SLC39A11: variants seen among roughly 807,000 people sequenced by gnomAD.
SLC39A11 encodes zinc transporter ZIP11.
Under a neutral mutation model 36.1 loss-of-function variants are expected in SLC39A11, and 33 were observed. The observed-to-expected ratio is 0.91, with a 90% CI of 0.69 to 1.22. SLC39A11 has a LOEUF of 1.22. Ranked by LOEUF, SLC39A11 falls within the 50% of genes most tolerant of loss-of-function variation. SLC39A11 has a pLI of 0.00. For missense variants in SLC39A11, 432 were observed against 430.3 expected, an observed-to-expected ratio of 1.00 and a Z score of -0.03; for synonymous variants, 166 against 170.3, an observed-to-expected ratio of 0.97 and a Z score of 0.20.
At chr17:72,857,098 C>T (rs1257346422) in intron 5 of SLC39A11, among the ~76,000 whole-genome samples, 1 of 152,104 alleles carries the variant, frequency 6.6e-6, no homozygotes, top group Admixed American at 6.6e-5. Context: ...AAGCCTAGTA[C>T]CCAATAGTTA....
chr17:73,035,162 G>A (rs1389824178), intron 3 of SLC39A11, among the ~76,000 whole-genome samples: 1 of 152,010 alleles, frequency 6.6e-6, no homozygotes. Flanking sequence ...TTTTTGTTTC[G>A]AGACAGAGTC....
rs568065634 is a variant in SLC39A11, at chr17:72,806,622, G to A, written c.601+43012C>T. Among the ~76,000 whole-genome samples, 9 of 151,950 alleles carry A rather than the reference G, an allele frequency of 5.9e-5. No homozygotes were observed. The East Asian group carries it at 1.4e-3, about 23-fold the overall frequency. ...TTTTGAGACTGAGTCCCTCTTTGTC[G>A]CCCAGACTGGAGTAGAGTGGTGCGA... is the stretch of plus-strand genomic sequence containing the variant. On this transcript the variant is annotated intron_variant, in intron 6 of 9. Transcript: ENST00000255559.
At chr17:72,823,827 C>T (rs1483062906) in intron 6 of SLC39A11, 1 of 151,364 alleles carries the variant, frequency 6.6e-6, no homozygotes, top group Non-Finnish European at 1.5e-5. Flanking sequence ...GGACTGGCCA[C>T]AGAATTTTCT....
intron 7 of SLC39A11, among the ~76,000 whole-genome samples, chr17:72,703,379 C>T (rs1165470995): frequency 2.0e-5 from 3 of 152,064 alleles, no homozygotes; most frequent in South Asian, 4.1e-4. Context: ...TTAATTATAG[C>T]AGTTCCGTGT....
At chr17:72,867,043 A>G (rs1047709353) in intron 5 of SLC39A11, among the ~76,000 whole-genome samples, 3 of 152,220 alleles carry the variant, frequency 2.0e-5, no homozygotes, top group African/African-American at 7.2e-5. Context: ...AACAATAACA[A>G]TACTAGCAAC....
At chr17:73,025,361 T>C (rs1306814700) in intron 4 of SLC39A11, among the ~76,000 whole-genome samples, 2 of 152,198 alleles carry the variant, frequency 1.3e-5, no homozygotes, top group African/African-American at 4.8e-5. Context: ...TCTGCCAAGA[T>C]GCAAACCAAG....
chr17:73,026,956 C>CA (rs1211901020), intron 4 of SLC39A11, among the ~76,000 whole-genome samples: 7 of 150,506 alleles, frequency 4.7e-5, no homozygotes, highest in African/African-American at 1.5e-4. Context: ...CTGTCTCTAC[C>CA]AAAAAAAAAT....
At chr17:72,663,791 C>T (rs2070594313) in intron 7 of SLC39A11, 2 of 152,212 alleles carry the variant, frequency 1.3e-5, no homozygotes, top group Admixed American at 6.5e-5. Context: ...CGGAGGGCTT[C>T]AGCCTCTCCA....
intron 7 of SLC39A11, among the ~76,000 whole-genome samples, chr17:72,679,434 T>C (rs573232124): frequency 3.3e-5 from 5 of 152,346 alleles, no homozygotes; most frequent in African/African-American, 1.2e-4. Flanking sequence ...CTTGAATCCC[T>C]GTCCTCTGGC....
intron 4 of SLC39A11, among the ~76,000 whole-genome samples, chr17:73,013,518 G>T (rs147900015): frequency 6.6e-6 from 1 of 152,226 alleles, no homozygotes; most frequent in Non-Finnish European, 1.5e-5. Context: ...GGATTCCACA[G>T]TTCATAAATG....
chr17:73,011,472 TG>T (rs887667482), intron 4 of SLC39A11, among the ~76,000 whole-genome samples: 3 of 151,936 alleles, frequency 2.0e-5, no homozygotes, highest in Admixed American at 2.0e-4. Context: ...TGGGATACTC[TG>T]GGGGCCTGTG....
intron 6 of SLC39A11, among the ~76,000 whole-genome samples, chr17:72,785,757 G>A (rs991917388): frequency 6.6e-6 from 1 of 152,168 alleles, no homozygotes; most frequent in Non-Finnish European, 1.5e-5. Flanking sequence ...TATTCCATGT[G>A]TTTTTCTCAT....
intron 6 of SLC39A11, among the ~76,000 whole-genome samples, chr17:72,786,576 T>C (rs536787559): frequency 3.9e-5 from 6 of 152,132 alleles, no homozygotes; most frequent in Non-Finnish European, 7.3e-5. Flanking sequence ...GGCTGATGGA[T>C]CCCGGGGTGT....
intron 7 of SLC39A11, among the ~76,000 whole-genome samples, chr17:72,673,460 A>T (rs563698379): frequency 6.6e-6 from 1 of 152,276 alleles, no homozygotes; most frequent in East Asian, 1.9e-4. Context: ...TTGTATCTAC[A>T]ATGTATCTTA....
rs763177680 is a variant in SLC39A11, at chr17:73,088,675, G to A, written c.90C>T (p.Phe30=). The A allele has an allele frequency of 2.7e-5, 44 of 1,612,108 alleles. 1 individual carries two copies. The South Asian group carries it at 3.8e-4, about 14-fold the overall frequency. ...GMTAAGAALV[F]VFSSGQRRIL... ...AACTCACCTGTCCACTAGAGAATACGAACACGAGAGCTGCCCCAGCTGCTG... is the reference window on the plus strand; with the variant it reads ...AACTCACCTGTCCACTAGAGAATACAAACACGAGAGCTGCCCCAGCTGCTG... The change falls in exon 2 of 10, where the codon TTC becomes TTT. Residue 30 remains phenylalanine (F), a synonymous_variant. Coordinates refer to ENST00000255559, the MANE Select transcript of SLC39A11 (RefSeq NM_139177.4).
intron 4 of SLC39A11, among the ~76,000 whole-genome samples, chr17:72,962,882 T>G (rs921991987): frequency 6.6e-6 from 1 of 152,046 alleles, no homozygotes; most frequent in Non-Finnish European, 1.5e-5. Flanking sequence ...GGGAGTCAGC[T>G]CCATAAAGAG....
intron 6 of SLC39A11, among the ~76,000 whole-genome samples, chr17:72,758,213 A>G (rs1425764749): frequency 2.6e-5 from 4 of 152,168 alleles, no homozygotes; most frequent in Non-Finnish European, 5.9e-5. Flanking sequence ...GAATAAGTAA[A>G]GTTAATCATG....
intron 7 of SLC39A11, 129 bp downstream of exon 7, chr17:72,736,521 C>A (rs1226723134): frequency 1.3e-6 from 1 of 754,298 alleles, no homozygotes; most frequent in African/African-American, 1.7e-5. Flanking sequence ...ATGTGGCCTC[C>A]ATCAGTCTTG....
intron 5 of SLC39A11, among the ~76,000 whole-genome samples, chr17:72,890,836 T>C (rs1255543104): frequency 3.3e-5 from 5 of 151,938 alleles, no homozygotes; most frequent in African/African-American, 9.7e-5. Context: ...ACTAATTTAA[T>C]GGATAGGCAA....
Sources: gnomAD v4.1 joint callset for allele counts (sites outside exome capture counted in the v4.1 genomes callset) on GRCh38, gnomAD v4.1.1 for gene constraint, MANE v1.5 for transcripts, NCBI Gene and HGNC (gene_info 2026-07-23, HGNC 2026-07-21) for gene names.